Variants in NAALADL2 observed in about 807,000 individuals in gnomAD.
NAALADL2 encodes inactive N-acetylated-alpha-linked acidic dipeptidase-like protein 2.
NAALADL2 carries 76 observed loss-of-function variants against 87.2 expected under a neutral mutation model. The observed-to-expected ratio is 0.87, with a 90% CI of 0.72 to 1.05. The LOEUF (loss-of-function observed/expected upper bound fraction) is 1.05. Ranked by LOEUF, NAALADL2 falls within the 50% of genes least tolerant of loss-of-function variation. The pLI is 0.00. For synonymous variants in NAALADL2, 354 were observed against 331.0 expected (o/e 1.07, Z -0.75); for missense variants, 1,089 against 945.8 (o/e 1.15, Z -1.99).
At chr3:174,524,761 C>T (rs1481157548) in intron 1 of NAALADL2, among the ~76,000 whole-genome samples, 1 of 151,862 alleles carries the variant, frequency 6.6e-6, no homozygotes, top group African/African-American at 2.4e-5. Flanking sequence ...TTGGGTCTCA[C>T]CATGTTGCTC....
chr3:175,243,203 T>C (rs1747267650), intron 3 of NAALADL2, among the ~76,000 whole-genome samples: 1 of 151,838 alleles, frequency 6.6e-6, no homozygotes, highest in African/African-American at 2.4e-5. Context: ...GACTTCTCTT[T>C]GGACCAAGGC....
intron 2 of NAALADL2, among the ~76,000 whole-genome samples, chr3:174,624,802 G>A (rs562606538): frequency 6.6e-6 from 1 of 152,114 alleles, no homozygotes; most frequent in Admixed American, 6.5e-5. Context: ...AATTTTTTCA[G>A]TGCTGTTTAT....
intron 1 of NAALADL2, among the ~76,000 whole-genome samples, chr3:175,013,141 TGTA>T (rs1750222763): frequency 6.4e-5 from 5 of 78,334 alleles, no homozygotes; most frequent in Admixed American, 2.7e-4. Context: ...TATATAAATA[TGTA>T]ATACATATTT....
chr3:174,615,891 C>G (rs1720413817), intron 2 of NAALADL2, among the ~76,000 whole-genome samples: 1 of 151,884 alleles, frequency 6.6e-6, no homozygotes, highest in South Asian at 2.1e-4. Context: ...CAGGTTGTAG[C>G]ACTATACCTT....
At chr3:174,667,943 A>T (rs1348094143) in intron 2 of NAALADL2, among the ~76,000 whole-genome samples, 1 of 151,812 alleles carries the variant, frequency 6.6e-6, no homozygotes, top group Non-Finnish European at 1.5e-5. Flanking sequence ...AGAAATCTTT[A>T]TTTTTTTTAT....
chr3:174,971,949 C>T (rs866471958), intron 1 of NAALADL2, among the ~76,000 whole-genome samples: 5 of 152,192 alleles, frequency 3.3e-5, no homozygotes, highest in African/African-American at 7.2e-5. Context: ...CCACCTGCCT[C>T]GGCCTCCCAA....
At chr3:175,328,782 A>G (rs1166512266) in intron 5 of NAALADL2, among the ~76,000 whole-genome samples, 4 of 152,230 alleles carry the variant, frequency 2.6e-5, no homozygotes, top group African/African-American at 7.2e-5. Flanking sequence ...TATTTGGCCT[A>G]AAATCATAAA....
intron 2 of NAALADL2, among the ~76,000 whole-genome samples, chr3:174,698,043 A>T (rs1414917313): frequency 1.3e-5 from 2 of 152,178 alleles, no homozygotes; most frequent in Non-Finnish European, 2.9e-5. Context: ...GTGAGCCAAG[A>T]TCCTGCCACT....
intron 2 of NAALADL2, among the ~76,000 whole-genome samples, chr3:175,212,794 A>G (rs754378717): frequency 3.9e-5 from 6 of 152,310 alleles, no homozygotes; most frequent in Admixed American, 1.3e-4. Flanking sequence ...GACTTAAAGA[A>G]ATAACAAAAG....
At chr3:174,948,269 C>T (rs759454790) in intron 1 of NAALADL2, among the ~76,000 whole-genome samples, 2 of 151,990 alleles carry the variant, frequency 1.3e-5, no homozygotes, top group Non-Finnish European at 2.9e-5. Flanking sequence ...TTCCACCTCC[C>T]GGGTTGAAGC....
At chr3:174,924,066 G>C (rs547805521) in intron 1 of NAALADL2, among the ~76,000 whole-genome samples, 1 of 152,056 alleles carries the variant, frequency 6.6e-6, no homozygotes, top group East Asian at 1.9e-4. Context: ...GCTGTTACAT[G>C]CTTTTCTTTT....
chr3:175,242,241 A>G (rs1747054726), intron 3 of NAALADL2: 1 of 152,170 alleles, frequency 6.6e-6, no homozygotes, highest in Admixed American at 6.5e-5. Flanking sequence ...AGAAAATGCC[A>G]GTGTTTTCGT....
At chr3:175,607,034 T>G (rs1723852545) in intron 10 of NAALADL2, among the ~76,000 whole-genome samples, 1 of 152,204 alleles carries the variant, frequency 6.6e-6, no homozygotes, top group Non-Finnish European at 1.5e-5. Flanking sequence ...TGCAGCTCAT[T>G]CAATGAATGT....
intron 13 of NAALADL2, among the ~76,000 whole-genome samples, chr3:175,794,265 TA>T (rs1365273359): frequency 6.6e-6 from 1 of 151,738 alleles, no homozygotes; most frequent in Admixed American, 6.6e-5. Context: ...GAGTTCCAAA[TA>T]AGTAAAGAAA....
intron 11 of NAALADL2, among the ~76,000 whole-genome samples, chr3:175,664,284 A>G (rs1045521209): frequency 2.0e-5 from 3 of 152,104 alleles, no homozygotes; most frequent in Admixed American, 6.5e-5. Context: ...TAGTTTGGAA[A>G]AAACAAACTT....
intron 6 of NAALADL2, among the ~76,000 whole-genome samples, chr3:175,449,246 C>T (rs577042339): frequency 4.1e-4 from 62 of 152,014 alleles, no homozygotes; most frequent in Admixed American, 3.0e-3. Context: ...ACCCAGCTAA[C>T]TTTTAAATCT....
At chr3:174,614,705 A>T (rs1405129693) in intron 2 of NAALADL2, among the ~76,000 whole-genome samples, 2 of 152,060 alleles carry the variant, frequency 1.3e-5, no homozygotes, top group Non-Finnish European at 2.9e-5. Flanking sequence ...ATTTTTAAAA[A>T]ATTTTTTCTG....
intron 3 of NAALADL2, among the ~76,000 whole-genome samples, chr3:174,777,935 A>G (rs905822686): frequency 6.6e-6 from 1 of 152,146 alleles, no homozygotes; most frequent in Non-Finnish European, 1.5e-5. Context: ...TCAGAAAGTC[A>G]TCTAAAAATG....
At chr3:175,073,869 G>C (rs745659866) in intron 1 of NAALADL2, among the ~76,000 whole-genome samples, 2 of 152,038 alleles carry the variant, frequency 1.3e-5, no homozygotes, top group Non-Finnish European at 2.9e-5. Context: ...GAAAACCTCA[G>C]TTAGGACTTC....
Sources: gnomAD v4.1 joint callset for allele counts (sites outside exome capture counted in the v4.1 genomes callset) on GRCh38, gnomAD v4.1.1 for gene constraint, MANE v1.5 for transcripts, NCBI Gene and HGNC (gene_info 2026-07-23, HGNC 2026-07-21) for gene names.